The following CSNK1D variants were observed in gnomAD, a reference collection of about 807,000 sequenced individuals.
CSNK1D encodes casein kinase I isoform delta.
Under a neutral mutation model 46.6 loss-of-function variants are expected in CSNK1D, and 16 were observed. The ratio of observed to expected loss-of-function variants is 0.34; its 90% confidence interval spans 0.23 to 0.52. CSNK1D has a LOEUF of 0.52. Ranked by LOEUF, CSNK1D falls within the 20% of genes least tolerant of loss-of-function variation. The probability of loss-of-function intolerance (pLI) is 0.95; values close to 1 mark genes in which losing one functional copy is unlikely to be tolerated. For missense variants in CSNK1D, 398 were observed against 578.4 expected (o/e 0.69, Z 3.20); for synonymous variants, 276 against 228.2 (o/e 1.21, Z -1.89).
downstream of CSNK1D, among the ~76,000 whole-genome samples, chr17:82,242,024 A>G (rs1395652503): frequency 6.9e-6 from 1 of 144,868 alleles, no homozygotes; most frequent in Non-Finnish European, 1.5e-5. Context: ...CCAAGGGGCC[A>G]AGGGAGTGGC....
intron 3 of CSNK1D, chr17:82,254,389 C>T (rs1259086369): frequency 1.9e-5 from 5 of 267,148 alleles, no homozygotes; most frequent in Non-Finnish European, 2.7e-5. Flanking sequence ...TCAGCTGAGC[C>T]GCCGGGGCCT....
chr17:82,243,935 C>G lies in CSNK1D; in HGVS notation c.*846G>C. On this transcript the variant is annotated 3_prime_UTR_variant, in exon 9 of 9. Coordinates refer to ENST00000314028, the MANE Select transcript of CSNK1D (RefSeq NM_001893.6). ...GGGTCTCAAAGCCTCTGCTTCCAAGCTCTCAGCTGCCTGCCCACCTCCTGG... is the reference window on the plus strand; with the variant it reads ...GGGTCTCAAAGCCTCTGCTTCCAAGGTCTCAGCTGCCTGCCCACCTCCTGG... 4 of 985,914 alleles carry G rather than the reference C, an allele frequency of 4.1e-6. No homozygotes were observed. The highest frequency in any genetic ancestry group is 9.4e-5 in the South Asian group (2 of 21,346). 61.1% of individuals were successfully genotyped at this position (985,914 alleles called of 1,614,324 possible).
rs2051142008 is a variant in CSNK1D, at chr17:82,255,115, G to A, written c.336+314C>T. ...GGGCCGCCGGAGCCTCGAGAAGCCA[G>A]TGAGCTGAGCCGTCGGAGCCTCCAG... On this transcript the variant is annotated intron_variant, in intron 3 of 8. Transcript: ENST00000314028. The surrounding 1 kb of genome is among the most constrained non-coding windows in gnomAD (Gnocchi z 5.9). 2.4e-6 allele frequency: 1 copy of A among 411,932 alleles called. No individual in the cohort carries two copies. Among genetic ancestry groups the A allele is most frequent in the South Asian group, 2.1e-5 (1 of 48,078 alleles). 25.5% of individuals were successfully genotyped at this position (411,932 alleles called of 1,614,324 possible). A position where few individuals can be genotyped will look rare whatever the true frequency, so the allele number is the denominator to read the frequency against.
In CSNK1D at chr17:82,244,604, C is replaced by G; in HGVS notation, c.*177G>C. The G allele has an allele frequency of 6.6e-7, 1 of 1,524,478 alleles. No homozygotes were observed. The highest frequency in any genetic ancestry group is 8.8e-7 in the Non-Finnish European group (1 of 1,138,956). The allele number at this position is 1,524,478 out of a possible 1,614,324, so 94.4% of individuals were successfully genotyped here. ...CAGTGCAGCCCCAGCGGTGGCAGCT[C>G]TTGGAGTCTGTCCGTTTAGTATGTT... is the stretch of plus-strand genomic sequence containing the variant. On this transcript the variant is annotated 3_prime_UTR_variant, in exon 9 of 9. Coordinates refer to ENST00000314028, the MANE Select transcript of CSNK1D (RefSeq NM_001893.6).
chr17:82,252,494 C>T lies in CSNK1D; in HGVS notation c.676G>A (p.Glu226Lys), dbSNP rs1394868634. The T allele has an allele frequency of 6.2e-7, 1 of 1,614,104 alleles. No homozygotes were observed. Among genetic ancestry groups the T allele is most frequent in the Non-Finnish European group, 8.5e-7 (1 of 1,180,028 alleles). The change falls in exon 5 of 9, where the codon GAA becomes AAA. Residue 226 changes from glutamate to lysine, a missense_variant. By Grantham distance (56) the Glu-to-Lys change is moderately conservative. This residue lies in a region of CSNK1D where 217 missense variants were observed against 370.3 expected (regional missense o/e 0.59). Coordinates refer to ENST00000314028, the MANE Select transcript of CSNK1D (RefSeq NM_001893.6). The surrounding 1 kb of genome is among the most constrained non-coding windows in gnomAD (Gnocchi z 4.6). ...GACATTTTCTTCTCGCTAATCCTTT[C>T]GTATTTCTGTCTCTTGGTGGCAGCC... is the stretch of plus-strand genomic sequence containing the variant. ...LKAATKRQKY[E>K]RISEKKMSTP...
chr17:82,242,116 A>G (rs113362115), downstream of CSNK1D, among the ~76,000 whole-genome samples: 1 of 151,206 alleles, frequency 6.6e-6, no homozygotes, highest in African/African-American at 2.4e-5. Flanking sequence ...GAGCTCACCC[A>G]CACACGAGCA....
intron 8 of CSNK1D, 68 bp from the exon 9 acceptor site, chr17:82,244,899 G>C (rs1306143422): frequency 6.2e-7 from 1 of 1,606,292 alleles, no homozygotes; most frequent in Non-Finnish European, 8.5e-7. Flanking sequence ...AGATACCACA[G>C]TGACGGTGCT....
intron 8 of CSNK1D, chr17:82,245,933 C>G: frequency 6.4e-7 from 1 of 1,568,790 alleles, no homozygotes; most frequent in South Asian, 1.2e-5. Flanking sequence ...TGGCTCCCAC[C>G]CACCTGGCGC....
chr17:82,267,326 T>C (rs2051502277), intron 1 of CSNK1D, among the ~76,000 whole-genome samples: 1 of 152,154 alleles, frequency 6.6e-6, no homozygotes. Flanking sequence ...CTCTTTAAGA[T>C]AAGGTTCCCT....
At chr17:82,246,946 G>C in intron 8 of CSNK1D, 7 of 985,526 alleles carry the variant, frequency 7.1e-6, no homozygotes, top group Non-Finnish European at 8.4e-6. Flanking sequence ...TTCAAAACGG[G>C]AGCTGCTGCT....
intron 1 of CSNK1D, among the ~76,000 whole-genome samples, chr17:82,269,114 A>C (rs2051553057): frequency 2.0e-5 from 3 of 151,424 alleles, no homozygotes; most frequent in Non-Finnish European, 2.9e-5. Context: ...AAAAAAAAAA[A>C]AAAAAGCAGA....
intron 8 of CSNK1D, chr17:82,247,464 G>A: frequency 2.0e-6 from 2 of 985,458 alleles, no homozygotes; most frequent in Non-Finnish European, 2.4e-6. Flanking sequence ...AAGCACTCAG[G>A]CCCCTTCCCT....
At position 82,249,178 on chromosome 17, in the gene CSNK1D, A is replaced by G. The variant is rs2050931273; in HGVS notation, c.1058-164T>C. Reference sequence around the variant, plus strand: ...CACTCAGATCCGGCCGGAGGGACACAAAGGGACATGGGAGCGAGGTCAAGG... The same window carrying G: ...CACTCAGATCCGGCCGGAGGGACACGAAGGGACATGGGAGCGAGGTCAAGG... On this transcript the variant is annotated intron_variant, in intron 7 of 8. Coordinates refer to ENST00000314028, the MANE Select transcript of CSNK1D (RefSeq NM_001893.6). This position sits in a 1 kb window ranked among gnomAD's most constrained non-coding sequence, Gnocchi z 6.7. 4.3e-6 allele frequency: 4 copies of G among 921,414 alleles called. No individual in the cohort carries two copies. Among genetic ancestry groups the G allele is most frequent in the Admixed American group, 2.6e-5 (1 of 38,976 alleles). The allele number at this position is 921,414 out of a possible 1,614,324, so 57.1% of individuals were successfully genotyped here.
rs1010074986 is a variant in CSNK1D, at chr17:82,273,696, G to T, written c.-315C>A. ...TGCCTAAAGGAGCCGCCGCCATCGC[G>T]CTGTGACGTCACTTCCCCTAGCAAC... On this transcript the variant is annotated 5_prime_UTR_variant, in exon 1 of 9. Coordinates refer to ENST00000314028, the MANE Select transcript of CSNK1D (RefSeq NM_001893.6). This position sits in a 1 kb window ranked among gnomAD's most constrained non-coding sequence, Gnocchi z 5.1. The T allele has an allele frequency of 2.0e-6, 1 of 497,452 alleles. No individual in the cohort carries two copies. The highest frequency in any genetic ancestry group is 3.2e-5 in the South Asian group (1 of 31,488). The allele number at this position is 497,452 out of a possible 1,614,324, so 30.8% of individuals were successfully genotyped here. A position where few individuals can be genotyped will look rare whatever the true frequency, so the allele number is the denominator to read the frequency against.
chr17:82,261,580 T>C (rs2051341034), intron 2 of CSNK1D, among the ~76,000 whole-genome samples: 1 of 152,238 alleles, frequency 6.6e-6, no homozygotes, highest in African/African-American at 2.4e-5. Flanking sequence ...TGTTTCTAGA[T>C]AATTTCATTA....
chr17:82,273,183 G>C lies in CSNK1D; in HGVS notation c.76+123C>G. 2 of 931,990 alleles carry C rather than the reference G, an allele frequency of 2.1e-6. No homozygotes were observed. The highest frequency in any genetic ancestry group is 1.6e-6 in the Non-Finnish European group (1 of 642,228). The allele number at this position is 931,990 out of a possible 1,614,324, so 57.7% of individuals were successfully genotyped here. Reference sequence around the variant, plus strand: ...GGCCGTTGGGTTCTGGCCACGATCCGGCGGTGCCGGGACTTGCGCGGAGAC... The same window carrying C: ...GGCCGTTGGGTTCTGGCCACGATCCCGCGGTGCCGGGACTTGCGCGGAGAC... On this transcript the variant is annotated intron_variant, in intron 1 of 8. Transcript: ENST00000314028. This position sits in a 1 kb window ranked among gnomAD's most constrained non-coding sequence, Gnocchi z 5.1.
intron 8 of CSNK1D, chr17:82,245,875 T>C: frequency 1.6e-6 from 2 of 1,214,404 alleles, no homozygotes; most frequent in African/African-American, 3.0e-5. Context: ...CTCCAGCACC[T>C]GGCATGCAAG....
At chr17:82,241,219 C>G (rs1324501581), downstream of CSNK1D, among the ~76,000 whole-genome samples, 1 of 152,214 alleles carries the variant, frequency 6.6e-6, no homozygotes, top group Non-Finnish European at 1.5e-5. Flanking sequence ...TCCCAGAGAA[C>G]AGCCCTGGAA....
At chr17:82,260,549 T>TGACTGATGGTGTACTGAGTGATGG (rs1568575290) in intron 2 of CSNK1D, among the ~76,000 whole-genome samples, 5 of 143,338 alleles carry the variant, frequency 3.5e-5, no homozygotes, top group East Asian at 4.0e-4. Context: ...CTGAGTGATG[T>TGACTGATGGTGTACTGAGTGATGG]GACTGATGGT....
Sources: gnomAD v4.1 joint callset for allele counts (sites outside exome capture counted in the v4.1 genomes callset) on GRCh38, gnomAD v4.1.1 for gene constraint, gnomAD v4.1.1 regional missense constraint, Gnocchi (gnomAD v3.1) non-coding constraint, MANE v1.5 for transcripts, NCBI Gene and HGNC (gene_info 2026-07-23, HGNC 2026-07-21) for gene names.